The following WDR27 variants were observed in gnomAD, a reference collection of about 807,000 sequenced individuals.
The protein encoded by WDR27 is WD repeat-containing protein 27.
Under a neutral mutation model 114.4 loss-of-function variants are expected in WDR27, and 100 were observed. That is an observed-to-expected ratio of 0.87 (90% confidence interval 0.74 to 1.03). WDR27 has a LOEUF of 1.03. Ranked by LOEUF, WDR27 falls within the 50% of genes least tolerant of loss-of-function variation. The pLI, the probability that WDR27 is intolerant of heterozygous loss-of-function variation, is 0.00. For missense variants in WDR27, 1,129 were observed against 1,092.9 expected, an observed-to-expected ratio of 1.03 and a Z score of -0.47; for synonymous variants, 449 against 423.1, an observed-to-expected ratio of 1.06 and a Z score of -0.75.
In WDR27 at chr6:169,701,803, GCCGCGAGCAACCGCGCAGCCC is replaced by G; in HGVS notation, c.-281_-261del. On this transcript the variant is annotated 5_prime_UTR_variant, in exon 1 of 26. Transcript: ENST00000448612. ...CCCCTTTCCTAGAGACCTCAGCGGA[GCCGCGAGCAACCGCGCAGCCC>G]CCGCGCTCCAGCCCTGCGCCCTAGG... 3.4e-6 allele frequency: 1 copy of G among 294,614 alleles called. No homozygotes were observed. Among genetic ancestry groups the G allele is most frequent in the Non-Finnish European group, 6.6e-6 (1 of 152,272 alleles). 18.2% of individuals were successfully genotyped at this position (294,614 alleles called of 1,614,324 possible). A position where few individuals can be genotyped will look rare whatever the true frequency, so the allele number is the denominator to read the frequency against.
intron 25 of WDR27, among the ~76,000 whole-genome samples, chr6:169,556,388 C>A (rs1328573131): frequency 6.6e-6 from 1 of 152,172 alleles, no homozygotes; most frequent in Non-Finnish European, 1.5e-5. Context: ...ACCCAGCTCC[C>A]CCGAACCCTG....
At chr6:169,600,063 T>C (rs1278787350) in intron 23 of WDR27, among the ~76,000 whole-genome samples, 1 of 152,204 alleles carries the variant, frequency 6.6e-6, no homozygotes, top group African/African-American at 2.4e-5. Context: ...TCCATGTAGT[T>C]GAGCGGTTTT....
chr6:169,560,471 G>A (rs1429292837), intron 25 of WDR27, among the ~76,000 whole-genome samples: 2 of 152,240 alleles, frequency 1.3e-5, no homozygotes, highest in Non-Finnish European at 2.9e-5. Flanking sequence ...GCCCAGACAA[G>A]AAACTCCAAG....
intron 1 of WDR27, among the ~76,000 whole-genome samples, chr6:169,692,939 T>A (rs1259675605): frequency 6.6e-6 from 1 of 152,162 alleles, no homozygotes; most frequent in Non-Finnish European, 1.5e-5. Flanking sequence ...CCTCGCCAAC[T>A]TAGGGAAAGC....
intron 1 of WDR27, chr6:169,689,245 G>C (rs960184546): frequency 2.6e-6 from 1 of 390,886 alleles, no homozygotes; most frequent in Admixed American, 4.4e-5. Flanking sequence ...AGCAAACCTT[G>C]ACTCAAATAC....
At chr6:169,560,601 G>A (rs983018980) in intron 25 of WDR27, among the ~76,000 whole-genome samples, 7 of 152,198 alleles carry the variant, frequency 4.6e-5, no homozygotes, top group African/African-American at 7.2e-5. Flanking sequence ...TTGAAGATGG[G>A]CTTGATGCTG....
intron 25 of WDR27, among the ~76,000 whole-genome samples, chr6:169,549,728 A>T (rs1312277852): frequency 1.3e-5 from 2 of 152,254 alleles, no homozygotes; most frequent in Non-Finnish European, 1.5e-5. Context: ...GAAAAGACAC[A>T]GAGGAAGCTT....
intron 1 of WDR27, among the ~76,000 whole-genome samples, chr6:169,698,782 G>A (rs946850934): frequency 6.6e-6 from 1 of 152,236 alleles, no homozygotes; most frequent in African/African-American, 2.4e-5. Flanking sequence ...AAAGGCTGAG[G>A]AGAGGGGCCA....
At chr6:169,452,233 C>T (rs1459311600), downstream of WDR27, among the ~76,000 whole-genome samples, 2 of 152,242 alleles carry the variant, frequency 1.3e-5, no homozygotes, top group Non-Finnish European at 2.9e-5. Flanking sequence ...GAGTCACCCA[C>T]GCCTTACTCA....
intron 25 of WDR27, among the ~76,000 whole-genome samples, chr6:169,511,155 C>T (rs537900687): frequency 6.6e-6 from 1 of 152,164 alleles, no homozygotes; most frequent in African/African-American, 2.4e-5. Flanking sequence ...AGGCAATTTC[C>T]ACATTTCAAA....
chr6:169,526,849 T>C (rs1037304500), intron 25 of WDR27, among the ~76,000 whole-genome samples: 1 of 152,120 alleles, frequency 6.6e-6, no homozygotes, highest in Admixed American at 6.5e-5. Context: ...GGCAAATAAT[T>C]TGAATAGACA....
chr6:169,624,054 G>T (rs1235515123), intron 21 of WDR27, among the ~76,000 whole-genome samples: 1 of 152,030 alleles, frequency 6.6e-6, no homozygotes, highest in Non-Finnish European at 1.5e-5. Context: ...GTGGGGTCAG[G>T]TGTGCCGTGT....
intron 25 of WDR27, among the ~76,000 whole-genome samples, chr6:169,526,511 G>A (rs150871660): frequency 0.046 from 6,935 of 152,150 alleles, 432 homozygotes; most frequent in African/African-American, 0.14. Flanking sequence ...TACTCGGGAG[G>A]CTGAGGCAGG....
intron 24 of WDR27, among the ~76,000 whole-genome samples, chr6:169,581,753 C>T (rs1178295733): frequency 1.3e-5 from 2 of 152,182 alleles, no homozygotes; most frequent in East Asian, 1.9e-4. Context: ...GGTAGTACCG[C>T]GTGTGCCAGG....
intron 13 of WDR27, among the ~76,000 whole-genome samples, chr6:169,655,234 G>A (rs1584940799): frequency 6.6e-6 from 1 of 152,216 alleles, no homozygotes; most frequent in African/African-American, 2.4e-5. Context: ...CAGGAGAGGC[G>A]GCGTGTGCTG....
chr6:169,448,107 T>G, the WDR27 span, among the ~76,000 whole-genome samples: 1 of 152,170 alleles, frequency 6.6e-6, no homozygotes, highest in Non-Finnish European at 1.5e-5. Flanking sequence ...ATACTAATAT[T>G]TTACATGTAT....
intron 25 of WDR27, among the ~76,000 whole-genome samples, chr6:169,564,590 G>C (rs925025321): frequency 6.6e-6 from 1 of 152,148 alleles, no homozygotes; most frequent in African/African-American, 2.4e-5. Context: ...TCCACATTTG[G>C]GGAGAGTGTG....
intron 23 of WDR27, among the ~76,000 whole-genome samples, chr6:169,600,680 T>C (rs1807801266): frequency 1.3e-5 from 2 of 152,306 alleles, no homozygotes; most frequent in South Asian, 4.1e-4. Context: ...CAAGCCTCAG[T>C]AGCTGATTCG....
chr6:169,566,096 G>T lies in WDR27; in HGVS notation c.2645+6323C>A, dbSNP rs62424702. Among the ~76,000 whole-genome samples, 56 of 85,246 alleles carry T rather than the reference G, an allele frequency of 6.6e-4. No individual in the cohort carries two copies. In the South Asian group the frequency reaches 0.017, roughly 26 times the overall value. 55.9% of individuals were successfully genotyped at this position (85,246 alleles called of 152,430 possible). On this transcript the variant is annotated intron_variant, in intron 25 of 25. Coordinates refer to ENST00000448612, the MANE Select transcript of WDR27 (RefSeq NM_182552.5). ...AACATTTTGTAATGTATTGTTACTC[G>T]TTAGAAGGAACCAGATCAATTATGT...
Sources: allele counts gnomAD v4.1 joint callset (sites outside exome capture counted in the v4.1 genomes callset), GRCh38; gene constraint gnomAD v4.1.1; transcripts MANE v1.5; gene names NCBI Gene and HGNC (gene_info 2026-07-23, HGNC 2026-07-21).